The following SIRPA variants were observed in gnomAD, a reference collection of about 807,000 sequenced individuals.
SIRPA encodes the protein signal regulatory protein alpha.
Under a neutral mutation model 50.3 loss-of-function variants are expected in SIRPA, and 9 were observed. That is an observed-to-expected ratio of 0.18 (90% confidence interval 0.11 to 0.31). SIRPA has a LOEUF of 0.31. Ranked by LOEUF, SIRPA falls within the 10% of genes least tolerant of loss-of-function variation. The pLI is 1.00. For synonymous variants in SIRPA, 265 were observed against 284.1 expected (o/e 0.93, Z 0.68); for missense variants, 474 against 661.6 (o/e 0.72, Z 3.11).
chr20:1,903,901 C>G (rs1004506708), intron 1 of SIRPA, among the ~76,000 whole-genome samples: 4 of 152,170 alleles, frequency 2.6e-5, no homozygotes, highest in Non-Finnish European at 4.4e-5. Flanking sequence ...AGCCCTGTCT[C>G]CTCCACTAGG....
chr20:1,920,260 G>A (rs879856640), intron 2 of SIRPA, among the ~76,000 whole-genome samples: 6 of 152,196 alleles, frequency 3.9e-5, no homozygotes, highest in Non-Finnish European at 8.8e-5. Context: ...GGACATCCAG[G>A]CCGCTGGCCT....
chr20:1,895,249 TC>T, upstream of SIRPA: 1 of 419,852 alleles, frequency 2.4e-6, no homozygotes, highest in East Asian at 4.2e-5. Context: ...TCTCCATTTC[TC>T]CTGGGGGGCG....
chr20:1,919,233 C>T (rs1256944615), intron 2 of SIRPA, among the ~76,000 whole-genome samples: 1 of 152,254 alleles, frequency 6.6e-6, no homozygotes, highest in Non-Finnish European at 1.5e-5. Flanking sequence ...AAATCCCAGG[C>T]TCCACCACAG....
chr20:1,927,604 G>A lies in SIRPA; in HGVS notation c.1202-271G>A, dbSNP rs554907881. Among the ~76,000 whole-genome samples the A allele has an allele frequency of 3.3e-5, 5 of 152,318 alleles. 1 individual carries two copies. The highest frequency in any genetic ancestry group is 4.1e-4 in the South Asian group (2 of 4,830). ...GGTGAGACCCAGACAGAGGTAGGGC[G>A]GTTGTCGCCTCCCAGGCTGAAGGCT... On this transcript the variant is annotated intron_variant, in intron 5 of 7. Transcript: ENST00000358771. The surrounding 1 kb of genome is among the most constrained non-coding windows in gnomAD (Gnocchi z 6.5).
chr20:1,900,026 T>C (rs558242981), intron 1 of SIRPA, among the ~76,000 whole-genome samples: 1 of 152,000 alleles, frequency 6.6e-6, no homozygotes, highest in Non-Finnish European at 1.5e-5. Context: ...ACATAGGGGG[T>C]ACTTAAAAAA....
chr20:1,912,067 T>C (rs1568499286), intron 1 of SIRPA, among the ~76,000 whole-genome samples: 1 of 152,060 alleles, frequency 6.6e-6, no homozygotes, highest in Non-Finnish European at 1.5e-5. Flanking sequence ...ACTAGCTAAT[T>C]AATTAAGCCG....
intron 1 of SIRPA, among the ~76,000 whole-genome samples, chr20:1,904,204 A>G (rs759279894): frequency 3.9e-5 from 6 of 152,178 alleles, no homozygotes; most frequent in Non-Finnish European, 7.3e-5. Context: ...AGGAAGCACA[A>G]AGATATCAAT....
intron 1 of SIRPA, among the ~76,000 whole-genome samples, chr20:1,900,814 A>T (rs1984146728): frequency 1.3e-5 from 2 of 152,234 alleles, no homozygotes; most frequent in South Asian, 2.1e-4. Flanking sequence ...ACTAATAGGA[A>T]CCATCTGGGT....
rs1986068372 is a variant in SIRPA, at chr20:1,927,776, C to G, written c.1202-99C>G. 9.6e-7 allele frequency: 1 copy of G among 1,039,890 alleles called. No individual in the cohort carries two copies. Among genetic ancestry groups the G allele is most frequent in the African/African-American group, 1.6e-5 (1 of 63,940 alleles). The allele number at this position is 1,039,890 out of a possible 1,614,324, so 64.4% of individuals were successfully genotyped here. A position where few individuals can be genotyped will look rare whatever the true frequency, so the allele number is the denominator to read the frequency against. On this transcript the variant is annotated intron_variant, in intron 5 of 7. Transcript: ENST00000358771. This position sits in a 1 kb window ranked among gnomAD's most constrained non-coding sequence, Gnocchi z 6.5. ...CAAGGATGTGATTACAGCATTTCCT[C>G]TCCATGTCCCTGGAGGCAAACCTTT... is the stretch of plus-strand genomic sequence containing the variant.
rs1320492942 is a variant in SIRPA, at chr20:1,934,318, GT to G, written c.1227-396del. On this transcript the variant is annotated intron_variant, in intron 6 of 7. Coordinates refer to ENST00000358771, the MANE Select transcript of SIRPA (RefSeq NM_001040023.2). The surrounding 1 kb of genome is among the most constrained non-coding windows in gnomAD (Gnocchi z 4.6). ...ATATTTTGAATTCCCCCAAAAAAAA[GT>G]GCAATTATGAGTCAAAGGATGAGGA... Among the ~76,000 whole-genome samples, 1 of 152,116 alleles carries G rather than the reference GT, an allele frequency of 6.6e-6. No individual in the cohort carries two copies. The highest frequency in any genetic ancestry group is 1.9e-4 in the East Asian group (1 of 5,198).
chr20:1,913,938 T>C (rs55698111), intron 1 of SIRPA, among the ~76,000 whole-genome samples: 61,843 of 151,628 alleles, frequency 0.41, 12,872 homozygotes, highest in East Asian at 0.66. Flanking sequence ...GTGTCTCTGA[T>C]TGGGGCTCAG....
intron 2 of SIRPA, among the ~76,000 whole-genome samples, chr20:1,918,502 G>A (rs973528281): frequency 2.0e-5 from 3 of 151,774 alleles, no homozygotes; most frequent in African/African-American, 7.3e-5. Context: ...GTGAGCCACT[G>A]CGCCCTGCCA....
chr20:1,921,639 C>G lies in SIRPA; in HGVS notation c.681C>G (p.Ile227Met). 6.2e-7 allele frequency: 1 copy of G among 1,614,224 alleles called. No individual in the cohort carries two copies. ...GCGAGGACGTTCACTCTCAAGTCAT[C>G]TGCGAGGTGGCCCACGTCACCTTGC... The part of the protein sequence containing the change: ...LTREDVHSQV[I>M]CEVAHVTLQG... Residue 227 changes from isoleucine to methionine, a missense_variant, in exon 3 of 8, where the codon ATC becomes ATG. Physicochemically the swap from Ile to Met is conservative, Grantham distance 10. Coordinates refer to ENST00000358771, the MANE Select transcript of SIRPA (RefSeq NM_001040023.2).
chr20:1,912,761 G>A (rs925108887), intron 1 of SIRPA, among the ~76,000 whole-genome samples: 11 of 152,242 alleles, frequency 7.2e-5, no homozygotes, highest in African/African-American at 2.7e-4. Context: ...GGTGGGTACA[G>A]AGGTGGCTAA....
intron 6 of SIRPA, among the ~76,000 whole-genome samples, chr20:1,931,499 C>T (rs550200499): frequency 3.9e-5 from 6 of 152,288 alleles, no homozygotes; most frequent in Admixed American, 1.3e-4. Context: ...ATTTTTCCAG[C>T]GTGAGCCTAC....
intron 6 of SIRPA, among the ~76,000 whole-genome samples, chr20:1,930,542 C>T (rs1986242655): frequency 6.6e-6 from 1 of 152,238 alleles, no homozygotes; most frequent in African/African-American, 2.4e-5. Flanking sequence ...AGTGGCTACA[C>T]AGCCCCATCT....
Position 1,895,482 on chromosome 20 carries a change from G to C in SIRPA, c.35G>C (p.Gly12Ala). The change falls in exon 1 of 8, where the codon GGG becomes GCG. Residue 12 changes from glycine to alanine, a missense_variant. By Grantham distance (60) the Gly-to-Ala change is moderately conservative (BLOSUM62 0). Around this residue, in one of 4 missense-constraint regions of SIRPA, gnomAD observed 72 missense variants for 76.2 expected, o/e 0.94. Transcript: ENST00000358771. ...EPAGPAPGRL[G>A]PLLCLLLAAS... ...GCCGGCCCGGCCCCCGGCCGCCTCG[G>C]GCCGCTGCTCTGCCTGCTGCTCGCC... The C allele has an allele frequency of 6.9e-7, 1 of 1,445,714 alleles. No individual in the cohort carries two copies. Among genetic ancestry groups the C allele is most frequent in the South Asian group, 1.4e-5 (1 of 71,704 alleles). The allele number at this position is 1,445,714 out of a possible 1,614,324, so 89.6% of individuals were successfully genotyped here.
chr20:1,928,006 G>A lies in SIRPA; in HGVS notation c.1226+107G>A, dbSNP rs1297382621. 2.5e-5 allele frequency: 23 copies of A among 916,010 alleles called. No individual in the cohort carries two copies. The highest frequency in any genetic ancestry group is 2.2e-4 in the Admixed American group (13 of 57,990). The allele number at this position is 916,010 out of a possible 1,614,324, so 56.7% of individuals were successfully genotyped here. On this transcript the variant is annotated intron_variant, in intron 6 of 7. Coordinates refer to ENST00000358771, the MANE Select transcript of SIRPA (RefSeq NM_001040023.2). This position sits in a 1 kb window ranked among gnomAD's most constrained non-coding sequence, Gnocchi z 4.9. ...TGTCCACTGACCTCACCAATGTGTT[G>A]GTCAACATGTCTCTTTCTCTCCTTT...
intron 1 of SIRPA, among the ~76,000 whole-genome samples, chr20:1,909,196 G>A (rs1339662520): frequency 3.3e-5 from 5 of 152,236 alleles, no homozygotes; most frequent in Non-Finnish European, 7.3e-5. Context: ...GACCCTGGGG[G>A]TCCTTGAGTA....
Sources: allele counts gnomAD v4.1 joint callset (sites outside exome capture counted in the v4.1 genomes callset), GRCh38; gene constraint gnomAD v4.1.1; regional missense constraint gnomAD v4.1.1; non-coding constraint Gnocchi (gnomAD v3.1); transcripts MANE v1.5; gene names NCBI Gene and HGNC (gene_info 2026-07-23, HGNC 2026-07-21).